CSMD1: variants seen among roughly 807,000 people sequenced by gnomAD.
The protein encoded by CSMD1 is CUB and Sushi multiple domains 1, also known as CUB and sushi domain-containing protein 1.
Under a neutral mutation model 417.5 loss-of-function variants are expected in CSMD1, and 213 were observed. That is an observed-to-expected ratio of 0.51 (90% CI 0.46 to 0.57). The LOEUF is 0.57. Among genes scored for constraint, CSMD1 ranks in the 20% least tolerant of loss-of-function variants. The pLI is 0.00. For synonymous variants in CSMD1, 2,862 were observed against 1,736.8 expected (o/e 1.65, Z -16.11); for missense variants, 6,923 against 4,529.7 (o/e 1.53, Z -15.17).
chr8:3,511,113 A>G (rs527804892), intron 10 of CSMD1, among the ~76,000 whole-genome samples: 1 of 151,986 alleles, frequency 6.6e-6, no homozygotes, highest in South Asian at 2.1e-4. Context: ...CATCACTGTC[A>G]GCAAACTAAC....
intron 5 of CSMD1, among the ~76,000 whole-genome samples, chr8:3,857,042 C>T (rs1804360740): frequency 6.6e-6 from 1 of 151,902 alleles, no homozygotes; most frequent in African/African-American, 2.4e-5. Flanking sequence ...ATATCGAGGG[C>T]TTCTTGTATA....
At chr8:4,626,622 G>T (rs1473431567) in intron 2 of CSMD1, among the ~76,000 whole-genome samples, 2 of 152,072 alleles carry the variant, frequency 1.3e-5, no homozygotes, top group African/African-American at 4.8e-5. Flanking sequence ...CAGGGGGCAG[G>T]GTGTGGGAGG....
chr8:3,775,145 A>G (rs1453179991), intron 5 of CSMD1, among the ~76,000 whole-genome samples: 1 of 152,250 alleles, frequency 6.6e-6, no homozygotes, highest in Non-Finnish European at 1.5e-5. Flanking sequence ...AACTGCAGAT[A>G]AGGAGGAACT....
chr8:4,378,795 G>T lies in CSMD1; in HGVS notation c.415+41158C>A, dbSNP rs147496419. On this transcript the variant is annotated intron_variant, in intron 3 of 69. Coordinates refer to ENST00000635120, the MANE Select transcript of CSMD1 (RefSeq NM_033225.6). ...ATGAATGGGATTACTGCCCTTGTAA[G>T]ACGTCAAGGGAGCTTTTTCCCCTTC... Among the ~76,000 whole-genome samples the T allele has an allele frequency of 6.0e-3, 910 of 152,258 alleles. 9 individuals are homozygous for T. The highest frequency in any genetic ancestry group is 0.037 in the South Asian group (180 of 4,828).
chr8:3,536,382 T>C (rs956626738), intron 10 of CSMD1, among the ~76,000 whole-genome samples: 1 of 152,240 alleles, frequency 6.6e-6, no homozygotes, highest in Non-Finnish European at 1.5e-5. Flanking sequence ...CCATGACCAT[T>C]GATTCTACTA....
chr8:4,601,340 G>A (rs891151150), intron 2 of CSMD1, among the ~76,000 whole-genome samples: 2 of 152,194 alleles, frequency 1.3e-5, no homozygotes, highest in South Asian at 4.1e-4. Context: ...GGAGACAGAG[G>A]TGGAGCTGTA....
chr8:3,903,306 C>T (rs1023655044), intron 5 of CSMD1, among the ~76,000 whole-genome samples: 2 of 141,276 alleles, frequency 1.4e-5, no homozygotes, highest in Non-Finnish European at 3.0e-5. Flanking sequence ...TTAGAATATC[C>T]AGGATGAATT....
At chr8:3,258,978 AAT>A (rs1163140828) in intron 26 of CSMD1, among the ~76,000 whole-genome samples, 1 of 152,232 alleles carries the variant, frequency 6.6e-6, no homozygotes, top group Non-Finnish European at 1.5e-5. Context: ...GATCAGGAAA[AAT>A]AACTAATGGG....
At chr8:3,596,475 A>G (rs1801100701) in intron 8 of CSMD1, among the ~76,000 whole-genome samples, 1 of 152,218 alleles carries the variant, frequency 6.6e-6, no homozygotes, top group Non-Finnish European at 1.5e-5. Context: ...CCCTCTGCTC[A>G]GCATCATGGG....
chr8:3,188,309 T>TC (rs931888572), intron 35 of CSMD1, among the ~76,000 whole-genome samples: 2 of 132,136 alleles, frequency 1.5e-5, no homozygotes, highest in African/African-American at 5.6e-5. Flanking sequence ...CCTTTCTTTT[T>TC]TTTTTTTTTT....
Position 2,979,912 on chromosome 8 carries a change from C to T in CSMD1, c.8378-1112G>A, listed in dbSNP as rs77372724. On this transcript the variant is annotated intron_variant, in intron 54 of 69. Transcript: ENST00000635120. ...CATGCCCCTACAGGGCATGTATCTG[C>T]AATACAATTGTAACCAAATCTCTGA... Among the ~76,000 whole-genome samples the T allele has an allele frequency of 2.4e-3, 365 of 152,338 alleles. 1 individual carries two copies. The highest frequency in any genetic ancestry group is 0.02 in the Admixed American group (305 of 15,308).
chr8:3,816,690 C>G (rs1299098304), intron 5 of CSMD1, among the ~76,000 whole-genome samples: 2 of 152,152 alleles, frequency 1.3e-5, no homozygotes, highest in Non-Finnish European at 2.9e-5. Flanking sequence ...CTCAATTACA[C>G]TGATTTTACC....
At chr8:3,370,923 C>G (rs1809905490) in intron 18 of CSMD1, among the ~76,000 whole-genome samples, 1 of 151,948 alleles carries the variant, frequency 6.6e-6, no homozygotes, top group Non-Finnish European at 1.5e-5. Flanking sequence ...TTGCAGTGAG[C>G]TGAGATCACG....
chr8:3,756,449 CAT>C (rs1797663734), intron 5 of CSMD1, among the ~76,000 whole-genome samples: 2 of 151,674 alleles, frequency 1.3e-5, no homozygotes, highest in South Asian at 2.1e-4. Flanking sequence ...TAAATTCAAA[CAT>C]AGAAAATTTA....
chr8:4,438,793 C>T (rs1011483021), intron 2 of CSMD1, among the ~76,000 whole-genome samples: 1 of 152,154 alleles, frequency 6.6e-6, no homozygotes, highest in African/African-American at 2.4e-5. Context: ...CTTGAAGGAT[C>T]AAAAGATTTG....
rs151101331 is a variant in CSMD1 at position 3,628,159 on chromosome 8, C to G, written c.1010-11362G>C. The stretch of plus-strand genomic sequence containing the variant: ...TCACCTTTGTTGACGTGTAAACCCC[C>G]CTTTGGTTACTGAATCTCTACCATT... On this transcript the variant is annotated intron_variant, in intron 7 of 69. Transcript: ENST00000635120. 5.9e-5 allele frequency among the ~76,000 whole-genome samples: 9 copies of G among 152,248 alleles called. No homozygotes were observed. The East Asian group carries it at 1.2e-3, about 20-fold the overall frequency.
intron 3 of CSMD1, among the ~76,000 whole-genome samples, chr8:4,126,944 C>T (rs144602339): frequency 6.6e-6 from 1 of 152,108 alleles, no homozygotes; most frequent in Non-Finnish European, 1.5e-5. Context: ...GGAAGAGACC[C>T]TGCAGGTGAG....
At chr8:3,977,168 G>A (rs991308363) in intron 5 of CSMD1, among the ~76,000 whole-genome samples, 9 of 152,122 alleles carry the variant, frequency 5.9e-5, no homozygotes, top group Admixed American at 3.3e-4. Context: ...CTCTTGGGCT[G>A]AAGCAATCTT....
rs140841862 is a variant in CSMD1, at chr8:4,145,246, G to C, written c.416-113147C>G. Among the ~76,000 whole-genome samples, 422 of 150,984 alleles carry C rather than the reference G, an allele frequency of 2.8e-3. 4 individuals are homozygous for C. Among genetic ancestry groups the C allele is most frequent in the Non-Finnish European group, 4.1e-3 (276 of 68,012 alleles). The stretch of plus-strand genomic sequence containing the variant: ...TTCCAAATAGGACATTCATGACCTG[G>C]ACAGGTATAACTGGAACTTGTAGAG... On this transcript the variant is annotated intron_variant, in intron 3 of 69. Coordinates refer to ENST00000635120, the MANE Select transcript of CSMD1 (RefSeq NM_033225.6).
Sources: gnomAD v4.1 joint callset for allele counts (sites outside exome capture counted in the v4.1 genomes callset) on GRCh38, gnomAD v4.1.1 for gene constraint, MANE v1.5 for transcripts, NCBI Gene and HGNC (gene_info 2026-07-23, HGNC 2026-07-21) for gene names.